The following NOC4L variants were observed in gnomAD, a reference collection of about 807,000 sequenced individuals.
NOC4L encodes the protein nucleolar complex protein 4 homolog.
In NOC4L, 40 loss-of-function variants were observed where a neutral mutation model predicts 62.8. That is an observed-to-expected ratio of 0.64 (90% CI 0.49 to 0.83). NOC4L has a LOEUF of 0.83. Ranked by LOEUF, NOC4L falls within the 40% of genes least tolerant of loss-of-function variation. The pLI, the probability that NOC4L is intolerant of heterozygous loss-of-function variation, is 0.00. For synonymous variants in NOC4L, 433 were observed against 299.8 expected (o/e 1.44, Z -4.59); for missense variants, 927 against 701.9 (o/e 1.32, Z -3.62).
Position 132,150,999 on chromosome 12 carries a change from T to G in NOC4L, c.920T>G (p.Leu307Trp). ...TCTGCAGGGGGGGCCCTCAGCCTCT[T>G]GGCCTTGAACGGGCTGTTCATCTTG... ...ACDLGGALSL[L>W]ALNGLFILIH... is the part of the protein sequence containing the mutation. The change falls in exon 10 of 15, where the codon TTG (leucine) becomes TGG (tryptophan). Residue 307 changes from leucine to tryptophan, a missense_variant. Coordinates refer to ENST00000330579, the MANE Select transcript of NOC4L (RefSeq NM_024078.3). 2 of 1,610,824 alleles carry G rather than the reference T, an allele frequency of 1.2e-6. No homozygotes were observed. The highest frequency in any genetic ancestry group is 1.7e-6 in the Non-Finnish European group (2 of 1,178,982).
chr12:132,150,613 GC>G (rs1220907260), intron 9 of NOC4L, among the ~76,000 whole-genome samples: 300 of 980 alleles, frequency 0.31, 142 homozygotes, highest in Non-Finnish European at 0.38. Flanking sequence ...CTCGGTGAGT[GC>G]CGCCGCCTCG....
Position 132,145,555 on chromosome 12 carries a change from G to C in NOC4L, c.239-4G>C. On this transcript the variant is annotated splice_region_variant and splice_polypyrimidine_tract_variant and intron_variant, in intron 2 of 14. Coordinates refer to ENST00000330579, the MANE Select transcript of NOC4L (RefSeq NM_024078.3). ...GTGGGCTGACCACCCTAACCTGTCT[G>C]CAGGGTCCCAGGGAGCCACACGGAA... 6.2e-7 allele frequency: 1 copy of C among 1,607,282 alleles called. No homozygotes were observed. Among genetic ancestry groups the C allele is most frequent in the South Asian group, 1.1e-5 (1 of 90,718 alleles).
At position 132,147,919 on chromosome 12, in the gene NOC4L, T is replaced by C; in HGVS notation, c.643T>C (p.Ser215Pro). 6.2e-7 allele frequency: 1 copy of C among 1,603,904 alleles called. No individual in the cohort carries two copies. The highest frequency in any genetic ancestry group is 8.5e-7 in the Non-Finnish European group (1 of 1,176,148). Residue 215 changes from serine to proline, a missense_variant, in exon 6 of 15, where the codon TCT becomes CCT. Ser to Pro is a moderately conservative substitution (Grantham distance 74). Coordinates refer to ENST00000330579, the MANE Select transcript of NOC4L (RefSeq NM_024078.3). The part of the protein sequence containing the change: ...AFWNNAFTLL[S>P]AVSLPRREPT... ...TTGGAACAATGCCTTCACGCTGCTG[T>C]CTGCCGTGAGCCTGCCCCGCCGGGA...
intron 2 of NOC4L, among the ~76,000 whole-genome samples, 192 bp downstream of exon 2, chr12:132,145,166 A>G (rs1254149151): frequency 6.6e-6 from 1 of 152,240 alleles, no homozygotes; most frequent in Admixed American, 6.5e-5. Context: ...AGCTGAGTGT[A>G]GATGAACACT....
At chr12:132,150,946 C>T in intron 9 of NOC4L, 35 bp from the exon 10 acceptor site, 4 of 1,535,686 alleles carry the variant, frequency 2.6e-6, no homozygotes, top group Non-Finnish European at 3.6e-6. Flanking sequence ...GGAGCGAGGT[C>T]ACTGCAGCTC....
chr12:132,147,538 T>C, intron 4 of NOC4L, 95 bp from the exon 5 acceptor site: 1 of 1,516,398 alleles, frequency 6.6e-7, no homozygotes, highest in Non-Finnish European at 8.9e-7. Flanking sequence ...CCAGGAGGAG[T>C]CTGCCTGGGG....
chr12:132,152,365 G>T lies in NOC4L; in HGVS notation c.1515G>T (p.Pro505=). Residue 505 remains proline (P), a synonymous_variant, in exon 15 of 15, where the codon CCG becomes CCT. Coordinates refer to ENST00000330579, the MANE Select transcript of NOC4L (RefSeq NM_024078.3). ...FIPAQGLLGR[P]GELCAQHFTL... Reference sequence around the variant, plus strand: ...CAGCCCAGGGCCTGCTGGGACGGCCGGGTGAACTCTGTGCCCAGCACTTCA... The same window carrying T: ...CAGCCCAGGGCCTGCTGGGACGGCCTGGTGAACTCTGTGCCCAGCACTTCA... 1.3e-6 allele frequency: 2 copies of T among 1,576,368 alleles called. No homozygotes were observed. The highest frequency in any genetic ancestry group is 2.3e-5 in the East Asian group (1 of 42,660).
At chr12:132,148,305 A>G (rs1226932506) in intron 7 of NOC4L, among the ~76,000 whole-genome samples, 199 bp downstream of exon 7, 1 of 152,184 alleles carries the variant, frequency 6.6e-6, no homozygotes, top group Non-Finnish European at 1.5e-5. Context: ...CTTGGGTCAG[A>G]GGCCACCGCC....
chr12:132,151,392 T>A (rs761035413), intron 11 of NOC4L, 24 bp downstream of exon 11: 140 of 1,605,348 alleles, frequency 8.7e-5, no homozygotes, highest in Non-Finnish European at 1.1e-4. Flanking sequence ...CACCTGGCTC[T>A]GCCCTGCTCT....
At position 132,147,383 on chromosome 12, in the gene NOC4L, T is replaced by C; in HGVS notation, c.448T>C (p.Phe150Leu). The C allele has an allele frequency of 6.3e-7, 1 of 1,583,926 alleles. No homozygotes were observed. Among genetic ancestry groups the C allele is most frequent in the Non-Finnish European group, 8.6e-7 (1 of 1,162,946 alleles). ...CAACTACCTGTTCCCCCGAGAGCTC[T>C]TCAAGGTGAGGGCCTTGCTGGGGAC... ...EGNYLFPREL[F>L]KLVVGGLLSP... Residue 150 changes from phenylalanine to leucine, a missense_variant, in exon 4 of 15, where the codon TTC (phenylalanine) becomes CTC (leucine). Physicochemically the swap from Phe to Leu is conservative, Grantham distance 22. Coordinates refer to ENST00000330579, the MANE Select transcript of NOC4L (RefSeq NM_024078.3).
chr12:132,149,118 G>A (rs1897859600), intron 9 of NOC4L, among the ~76,000 whole-genome samples: 5 of 41,702 alleles, frequency 1.2e-4, no homozygotes, highest in Admixed American at 2.3e-4. Context: ...TCCCCTCGGT[G>A]AGTGCCGCCG....
intron 3 of NOC4L, among the ~76,000 whole-genome samples, chr12:132,146,598 A>G (rs1352921817): frequency 6.6e-6 from 1 of 151,942 alleles, no homozygotes; most frequent in Non-Finnish European, 1.5e-5. Flanking sequence ...AGAGTTCCAT[A>G]CTCCACATCC....
At chr12:132,151,690 G>A (rs1435896379) in intron 12 of NOC4L, 46 bp downstream of exon 12, 5 of 1,611,816 alleles carry the variant, frequency 3.1e-6, no homozygotes, top group Admixed American at 1.7e-5. Context: ...TGGGGCGGGG[G>A]TGCCTGGTGC....
intron 2 of NOC4L, 65 bp from the exon 3 acceptor site, chr12:132,145,494 T>C: frequency 9.2e-7 from 1 of 1,090,926 alleles, no homozygotes; most frequent in Non-Finnish European, 1.4e-6. Context: ...GCCTGAGATT[T>C]TGGGCTGGGC....
In NOC4L at chr12:132,148,882, C is replaced by T. The variant is rs145295466; in HGVS notation, c.888C>T (p.Arg296=). Residue 296 remains arginine, a synonymous_variant, in exon 9 of 15, where the codon CGC becomes CGT. Transcript: ENST00000330579. ...CGCTCATGATCGACTTCCTCACCCGCGCCTGCGACCTCGGTGAGTGCCGCC... is the reference window on the plus strand; with the variant it reads ...CGCTCATGATCGACTTCCTCACCCGTGCCTGCGACCTCGGTGAGTGCCGCC... ...QPTLMIDFLT[R]ACDLGGALSL... 47 of 1,594,468 alleles carry T rather than the reference C, an allele frequency of 2.9e-5. No individual in the cohort carries two copies. The highest frequency in any genetic ancestry group is 1.6e-4 in the South Asian group (14 of 90,124).
intron 1 of NOC4L, 103 bp downstream of exon 1, chr12:132,144,708 G>GGT: frequency 6.9e-7 from 1 of 1,452,586 alleles, no homozygotes; most frequent in Non-Finnish European, 9.1e-7. Flanking sequence ...ACGGCGTTGG[G>GGT]GGGTCAGGGT....
In NOC4L at chr12:132,151,585, G is replaced by C. The variant is rs773789584; in HGVS notation, c.1175G>C (p.Cys392Ser). The C allele has an allele frequency of 6.2e-7, 1 of 1,611,048 alleles. No homozygotes were observed. The highest frequency in any genetic ancestry group is 8.5e-7 in the Non-Finnish European group (1 of 1,179,426). Residue 392 changes from cysteine to serine, a missense_variant, in exon 12 of 15, where the codon TGT becomes TCT. Cys to Ser is a moderately radical substitution (Grantham distance 112). Transcript: ENST00000330579. Reference sequence around the variant, plus strand: ...CTGCTCATGGTCCTGCCTTTCATCTGTAACCTGCTGCGCCGGCACCCTGCC... The same window carrying C: ...CTGCTCATGGTCCTGCCTTTCATCTCTAACCTGCTGCGCCGGCACCCTGCC... ...EALLMVLPFI[C>S]NLLRRHPACR...
intron 3 of NOC4L, 39 bp from the exon 4 acceptor site, chr12:132,147,241 GT>G (rs1232794153): frequency 9.9e-6 from 14 of 1,419,324 alleles, no homozygotes; most frequent in Non-Finnish European, 1.2e-5. Context: ...CATCCGTGGG[GT>G]GAGGGCATCA....
In NOC4L at chr12:132,152,346, A is replaced by C. The variant is rs1245083271; in HGVS notation, c.1496A>C (p.Gln499Pro). ...GTGCCACTGGAGTTTATCCCAGCCC[A>C]GGGCCTGCTGGGACGGCCGGGTGAA... ...EPVPLEFIPA[Q>P]GLLGRPGELC... The change falls in exon 15 of 15, where the codon CAG (glutamine) becomes CCG (proline). Residue 499 changes from glutamine to proline, a missense_variant. Coordinates refer to ENST00000330579, the MANE Select transcript of NOC4L (RefSeq NM_024078.3). 6.4e-7 allele frequency: 1 copy of C among 1,571,202 alleles called. No individual in the cohort carries two copies.
Sources: allele counts gnomAD v4.1 joint callset (sites outside exome capture counted in the v4.1 genomes callset), GRCh38; gene constraint gnomAD v4.1.1; transcripts MANE v1.5; gene names NCBI Gene and HGNC (gene_info 2026-07-23, HGNC 2026-07-21).